NEK11: variants seen among roughly 807,000 people sequenced by gnomAD.
The protein encoded by NEK11 is serine/threonine-protein kinase Nek11.
Under a neutral mutation model 80.7 loss-of-function variants are expected in NEK11, and 72 were observed. The observed-to-expected ratio is 0.89, with a 90% CI of 0.74 to 1.08. NEK11 has a LOEUF of 1.08. NEK11 is among the 50% of genes least tolerant of loss of function. NEK11 has a pLI of 0.00. For missense variants in NEK11, 764 were observed against 763.6 expected, an observed-to-expected ratio of 1.00 and a Z score of -0.01; for synonymous variants, 251 against 260.7, an observed-to-expected ratio of 0.96 and a Z score of 0.36.
At chr3:131,270,874 G>T (rs1645673698) in intron 16 of NEK11, among the ~76,000 whole-genome samples, 1 of 152,184 alleles carries the variant, frequency 6.6e-6, no homozygotes, top group Non-Finnish European at 1.5e-5. Flanking sequence ...TGGGAAAGGA[G>T]CACCTTATTT....
intron 14 of NEK11, among the ~76,000 whole-genome samples, chr3:131,214,476 T>C (rs1292243907): frequency 6.6e-6 from 1 of 152,246 alleles, no homozygotes; most frequent in African/African-American, 2.4e-5. Context: ...CTGGCCTGAA[T>C]TCATTTCTCT....
chr3:131,242,185 G>A (rs2095529841), intron 15 of NEK11, among the ~76,000 whole-genome samples: 1 of 152,098 alleles, frequency 6.6e-6, no homozygotes, highest in Non-Finnish European at 1.5e-5. Context: ...GACTAAACTT[G>A]AATCTGTGGG....
intron 14 of NEK11, among the ~76,000 whole-genome samples, chr3:131,188,467 T>C (rs1035318391): frequency 6.6e-6 from 1 of 152,158 alleles, no homozygotes; most frequent in Non-Finnish European, 1.5e-5. Context: ...TATGTGGCTC[T>C]GTAGAAATCT....
intron 17 of NEK11, chr3:131,330,569 T>G (rs972475914): frequency 6.6e-6 from 1 of 152,168 alleles, no homozygotes; most frequent in Non-Finnish European, 1.5e-5. Flanking sequence ...TGGAGGACCT[T>G]GTTAAGTTTC....
At chr3:131,183,903 A>G (rs1400847961) in intron 14 of NEK11, among the ~76,000 whole-genome samples, 2 of 152,200 alleles carry the variant, frequency 1.3e-5, no homozygotes, top group African/African-American at 4.8e-5. Flanking sequence ...TCCCACCAAC[A>G]GTGTAAAAGC....
intron 3 of NEK11, chr3:131,053,247 T>C (rs184687271): frequency 1.3e-5 from 2 of 152,344 alleles, no homozygotes; most frequent in African/African-American, 2.4e-5. Flanking sequence ...TATTAAGACA[T>C]GTCAACATTT....
At chr3:131,292,118 A>G (rs1017583563) in intron 17 of NEK11, among the ~76,000 whole-genome samples, 2 of 152,186 alleles carry the variant, frequency 1.3e-5, no homozygotes, top group Non-Finnish European at 1.5e-5. Flanking sequence ...GTCTGTGCCG[A>G]GATTCAATTA....
chr3:131,291,339 A>G (rs1182914591), intron 17 of NEK11, among the ~76,000 whole-genome samples: 4 of 152,170 alleles, frequency 2.6e-5, no homozygotes, highest in African/African-American at 9.7e-5. Context: ...GCTGAAGGAC[A>G]TCTTGGTTGC....
At chr3:131,133,985 A>T (rs780667365) in intron 7 of NEK11, 29 bp downstream of exon 7, 1 of 1,551,144 alleles carries the variant, frequency 6.4e-7, no homozygotes, top group Admixed American at 1.9e-5. Context: ...TAGACTCTTC[A>T]TCTGCTTCCC....
At chr3:131,061,498 T>A (rs931514336) in intron 3 of NEK11, among the ~76,000 whole-genome samples, 6 of 151,768 alleles carry the variant, frequency 4.0e-5, no homozygotes, top group African/African-American at 1.5e-4. Context: ...CGGTGTTGGC[T>A]ATATATAAAA....
chr3:131,325,232 G>A (rs998429554), intron 17 of NEK11: 13 of 152,046 alleles, frequency 8.6e-5, no homozygotes, highest in Admixed American at 7.9e-4. Context: ...GACTCACAGT[G>A]AAAGTCAGCT....
chr3:131,315,365 T>C (rs185820453), intron 17 of NEK11, among the ~76,000 whole-genome samples: 8 of 152,264 alleles, frequency 5.3e-5, no homozygotes, highest in African/African-American at 1.7e-4. Flanking sequence ...GCAGTATTTT[T>C]CTTTCTGTGT....
intron 7 of NEK11, among the ~76,000 whole-genome samples, chr3:131,152,031 T>C (rs1165996032): frequency 1.3e-5 from 2 of 152,198 alleles, no homozygotes; most frequent in African/African-American, 4.8e-5. Context: ...AGGAAGATAA[T>C]ATTCAGCTGC....
intron 10 of NEK11, among the ~76,000 whole-genome samples, chr3:131,161,894 T>A (rs2091642838): frequency 6.6e-6 from 1 of 152,220 alleles, no homozygotes; most frequent in African/African-American, 2.4e-5. Context: ...TTTGGAATAC[T>A]TTTTATGTGC....
chr3:131,210,944 C>A (rs1002215100), intron 14 of NEK11, among the ~76,000 whole-genome samples: 1 of 152,134 alleles, frequency 6.6e-6, no homozygotes, highest in Non-Finnish European at 1.5e-5. Flanking sequence ...CAGTCTGTGT[C>A]TTTTAATTGG....
At chr3:131,241,160 T>C (rs16836170) in intron 15 of NEK11, among the ~76,000 whole-genome samples, 29,246 of 151,956 alleles carry the variant, frequency 0.19, 5,288 homozygotes, top group African/African-American at 0.47. Flanking sequence ...AAAATATACT[T>C]GTTGGGAAGT....
chr3:131,292,032 C>A (rs1280407560), intron 17 of NEK11, among the ~76,000 whole-genome samples: 1 of 152,104 alleles, frequency 6.6e-6, no homozygotes, highest in Admixed American at 6.5e-5. Flanking sequence ...ATGTTATCTT[C>A]TAGGAGTTTT....
At chr3:131,174,292 A>C (rs2092878446) in intron 14 of NEK11, among the ~76,000 whole-genome samples, 1 of 152,228 alleles carries the variant, frequency 6.6e-6, no homozygotes, top group African/African-American at 2.4e-5. Flanking sequence ...GAAATTTTGA[A>C]ACATGAGACT....
At chr3:131,265,714 G>T (rs2096040068) in intron 16 of NEK11, among the ~76,000 whole-genome samples, 1 of 152,170 alleles carries the variant, frequency 6.6e-6, no homozygotes, top group African/African-American at 2.4e-5. Context: ...TTGGTATCAG[G>T]ATGATGCTGG....
Sources: allele counts gnomAD v4.1 joint callset (sites outside exome capture counted in the v4.1 genomes callset), GRCh38; gene constraint gnomAD v4.1.1; transcripts MANE v1.5; gene names NCBI Gene and HGNC (gene_info 2026-07-23, HGNC 2026-07-21).